Variants in ZNF804A observed in about 807,000 individuals in gnomAD.
ZNF804A encodes zinc finger protein 804A.
In ZNF804A, 2 loss-of-function variants were observed where a neutral mutation model predicts 16.5. That is an observed-to-expected ratio of 0.12 (90% CI 0.05 to 0.38). ZNF804A has a LOEUF of 0.38. ZNF804A is among the 10% of genes least tolerant of loss of function. The pLI is 0.99. For synonymous variants in ZNF804A, 534 were observed against 489.6 expected (o/e 1.09, Z -1.20); for missense variants, 1,473 against 1,390.7 (o/e 1.06, Z -0.94).
intron 1 of ZNF804A, among the ~76,000 whole-genome samples, chr2:184,863,476 C>T (rs561163898): frequency 7.9e-5 from 12 of 151,678 alleles, no homozygotes; most frequent in South Asian, 6.2e-4. Flanking sequence ...AAGTCTGTTC[C>T]GCTAAAAACC....
At chr2:184,764,608 C>T (rs1574201204) in intron 1 of ZNF804A, among the ~76,000 whole-genome samples, 1 of 152,212 alleles carries the variant, frequency 6.6e-6, no homozygotes, top group African/African-American at 2.4e-5. Flanking sequence ...GATTCCCTTC[C>T]CTTCTTTTAA....
At chr2:184,809,716 A>AATTAT (rs1281746344) in intron 1 of ZNF804A, among the ~76,000 whole-genome samples, 1 of 151,972 alleles carries the variant, frequency 6.6e-6, no homozygotes, top group African/African-American at 2.4e-5. Flanking sequence ...TGCTACAAAA[A>AATTAT]ATTATCCCTG....
chr2:184,640,864 G>A (rs1275879820), intron 1 of ZNF804A, among the ~76,000 whole-genome samples: 4 of 152,226 alleles, frequency 2.6e-5, no homozygotes, highest in Non-Finnish European at 4.4e-5. Context: ...AATTTACATC[G>A]TACTTTAAGA....
intron 1 of ZNF804A, among the ~76,000 whole-genome samples, chr2:184,806,016 C>G (rs1326065853): frequency 1.3e-5 from 2 of 151,758 alleles, no homozygotes; most frequent in Admixed American, 1.3e-4. Context: ...AATCTCCGAA[C>G]CAAACAAACA....
At chr2:184,712,033 G>T (rs528557137) in intron 1 of ZNF804A, among the ~76,000 whole-genome samples, 1 of 151,764 alleles carries the variant, frequency 6.6e-6, no homozygotes, top group African/African-American at 2.4e-5. Context: ...GGATTTCATT[G>T]AATCTGTAAG....
chr2:184,924,666 C>T (rs568893092), intron 2 of ZNF804A, among the ~76,000 whole-genome samples: 4 of 150,588 alleles, frequency 2.7e-5, no homozygotes, highest in African/African-American at 9.7e-5. Flanking sequence ...AAGTTGTCTT[C>T]TTTTTTAGTT....
intron 1 of ZNF804A, among the ~76,000 whole-genome samples, chr2:184,814,591 C>G (rs1006930024): frequency 6.6e-6 from 1 of 152,012 alleles, no homozygotes; most frequent in Admixed American, 6.6e-5. Flanking sequence ...ATGGAAAGGT[C>G]ATTGAGAAGA....
intron 1 of ZNF804A, among the ~76,000 whole-genome samples, chr2:184,625,306 C>T (rs1485618189): frequency 6.6e-6 from 1 of 152,020 alleles, no homozygotes; most frequent in Admixed American, 6.6e-5. Context: ...TATCATTAAG[C>T]ATTTTATTAT....
chr2:184,819,341 G>A (rs902432837), intron 1 of ZNF804A, among the ~76,000 whole-genome samples: 1 of 152,000 alleles, frequency 6.6e-6, no homozygotes, highest in Non-Finnish European at 1.5e-5. Context: ...ATGAAATCAA[G>A]GCAGAAATCA....
Position 184,938,409 on chromosome 2 carries a change from T to C in ZNF804A, c.3013T>C (p.Leu1005=). 6.2e-7 allele frequency: 1 copy of C among 1,614,062 alleles called. No homozygotes were observed. The highest frequency in any genetic ancestry group is 1.7e-5 in the Admixed American group (1 of 59,994). The change falls in exon 4 of 4, where the codon TTA becomes CTA. Residue 1005 remains leucine (L), a synonymous_variant. Transcript: ENST00000302277. ...NSGILNTQPP[L]PFKEAHVSGH... ...AGGAATCCTTAACACACAACCACCA[T>C]TACCATTCAAAGAAGCACATGTCAG... is the stretch of plus-strand genomic sequence containing the variant.
At chr2:184,930,609 G>T (rs750528880) in intron 2 of ZNF804A, among the ~76,000 whole-genome samples, 12 of 152,168 alleles carry the variant, frequency 7.9e-5, no homozygotes, top group Admixed American at 2.0e-4. Context: ...CTCATGCTAT[G>T]TTGGGGAAAT....
At chr2:184,734,299 G>A (rs1693574926) in intron 1 of ZNF804A, among the ~76,000 whole-genome samples, 1 of 151,902 alleles carries the variant, frequency 6.6e-6, no homozygotes. Flanking sequence ...TCAAATATGT[G>A]CTTTATTCTG....
At chr2:184,728,209 C>T (rs73978079) in intron 1 of ZNF804A, among the ~76,000 whole-genome samples, 4,575 of 151,682 alleles carry the variant, frequency 0.03, 232 homozygotes, top group African/African-American at 0.1. Flanking sequence ...ATAACCAACT[C>T]GAGAAATATT....
intron 2 of ZNF804A, among the ~76,000 whole-genome samples, chr2:184,895,171 C>T (rs1262158389): frequency 6.6e-6 from 1 of 151,712 alleles, no homozygotes; most frequent in Non-Finnish European, 1.5e-5. Flanking sequence ...GTCCAACAAG[C>T]TGAAGCATCG....
At chr2:184,723,697 T>C (rs1306563326) in intron 1 of ZNF804A, among the ~76,000 whole-genome samples, 1 of 151,758 alleles carries the variant, frequency 6.6e-6, no homozygotes, top group Non-Finnish European at 1.5e-5. Flanking sequence ...TATATATTGG[T>C]CTGTTAAATG....
rs551534350 is a variant in ZNF804A at position 184,620,733 on chromosome 2, T to G, written c.111+21663T>G. Among the ~76,000 whole-genome samples the G allele has an allele frequency of 1.3e-3, 200 of 151,816 alleles. 2 individuals carry two copies. The highest frequency in any genetic ancestry group is 4.2e-3 in the African/African-American group (173 of 41,554). On this transcript the variant is annotated intron_variant, in intron 1 of 3. Coordinates refer to ENST00000302277, the MANE Select transcript of ZNF804A (RefSeq NM_194250.2). ...CATATGGAAGGCAAAAAATTGTAAG[T>G]GAAATAGATGTAATAAGCATTCTGT...
At chr2:184,696,861 T>G (rs982281817) in intron 1 of ZNF804A, among the ~76,000 whole-genome samples, 2 of 152,008 alleles carry the variant, frequency 1.3e-5, no homozygotes, top group Admixed American at 1.3e-4. Context: ...CTGTTCTTCC[T>G]GATTATAGGT....
At chr2:184,872,498 A>G (rs779793162) in intron 2 of ZNF804A, among the ~76,000 whole-genome samples, 4 of 152,182 alleles carry the variant, frequency 2.6e-5, no homozygotes, top group Non-Finnish European at 4.4e-5. Context: ...CAAAAACAAA[A>G]TTAAATACCA....
At chr2:184,741,143 A>C (rs1693703706) in intron 1 of ZNF804A, among the ~76,000 whole-genome samples, 1 of 152,164 alleles carries the variant, frequency 6.6e-6, no homozygotes, top group African/African-American at 2.4e-5. Context: ...GATTATCCTC[A>C]GTTTCAGTTC....
Sources: allele counts gnomAD v4.1 joint callset (sites outside exome capture counted in the v4.1 genomes callset), GRCh38; gene constraint gnomAD v4.1.1; transcripts MANE v1.5; gene names NCBI Gene and HGNC (gene_info 2026-07-23, HGNC 2026-07-21).